The following CEBPZ variants were observed in gnomAD, a reference collection of about 807,000 sequenced individuals.
The protein encoded by CEBPZ is CCAAT enhancer binding protein zeta.
In CEBPZ, 78 loss-of-function variants were observed where a neutral mutation model predicts 104.5. The observed-to-expected ratio is 0.75, with a 90% CI of 0.62 to 0.90. The LOEUF (loss-of-function observed/expected upper bound fraction) is 0.90, where lower values mean the gene tolerates loss of function less well. Among genes scored for constraint, CEBPZ ranks in the 40% least tolerant of loss-of-function variants. The probability of loss-of-function intolerance (pLI) is 0.00; values close to 1 mark genes in which losing one functional copy is unlikely to be tolerated. For missense variants in CEBPZ, 1,439 were observed against 1,233.5 expected (o/e 1.17, Z -2.50); for synonymous variants, 470 against 427.0 (o/e 1.10, Z -1.24).
In CEBPZ at chr2:37,212,662, T is replaced by A. The variant is rs115136388; in HGVS notation, c.2546-270A>T. On this transcript the variant is annotated intron_variant, in intron 10 of 15. Coordinates refer to ENST00000234170, the MANE Select transcript of CEBPZ (RefSeq NM_005760.3). Reference sequence around the variant, plus strand: ...TTATGGAAAGAGGATAAATATCAAATAAAATGATATTTAGCAATTGTCGTC... The same window carrying A: ...TTATGGAAAGAGGATAAATATCAAAAAAAATGATATTTAGCAATTGTCGTC... 8.2e-3 allele frequency: 3,808 copies of A among 463,270 alleles called. 17 individuals are homozygous for A. Among genetic ancestry groups the A allele is most frequent in the Non-Finnish European group, 0.011 (2,835 of 261,862 alleles). The allele number at this position is 463,270 out of a possible 1,614,324, so 28.7% of individuals were successfully genotyped here.
At chr2:37,217,184 G>A (rs1479593470) in intron 5 of CEBPZ, 147 bp from the exon 6 acceptor site, 1 of 631,962 alleles carries the variant, frequency 1.6e-6, no homozygotes, top group Non-Finnish European at 2.8e-6. Flanking sequence ...GATTGCTTGA[G>A]CCCAGAAGTT....
At chr2:37,215,235 T>C (rs73927404) in intron 8 of CEBPZ, 2,582 of 251,278 alleles carry the variant, frequency 0.01, 57 homozygotes, top group African/African-American at 0.052. Context: ...TGTTCTTCAT[T>C]TGCATCCAGG....
chr2:37,226,716 C>T (rs1664894966), intron 2 of CEBPZ, among the ~76,000 whole-genome samples: 1 of 152,166 alleles, frequency 6.6e-6, no homozygotes, highest in Non-Finnish European at 1.5e-5. Flanking sequence ...CACTACTCCA[C>T]ATTTTCTCAC....
intron 8 of CEBPZ, chr2:37,215,596 C>G (rs1056503951): frequency 1.8e-4 from 28 of 152,404 alleles, no homozygotes; most frequent in African/African-American, 6.8e-4. Flanking sequence ...TAATTTAATC[C>G]TGGTCTCTGA....
chr2:37,221,039 G>C (rs945353755), intron 4 of CEBPZ, among the ~76,000 whole-genome samples: 1 of 152,082 alleles, frequency 6.6e-6, no homozygotes, highest in Non-Finnish European at 1.5e-5. Flanking sequence ...TTCTCCTTTG[G>C]CTGGGCACAA....
At chr2:37,215,628 G>T (rs903775381) in intron 8 of CEBPZ, 1 of 152,890 alleles carries the variant, frequency 6.5e-6, no homozygotes, top group African/African-American at 2.4e-5. Flanking sequence ...ATGAGATCTG[G>T]TATGCAAAGA....
intron 2 of CEBPZ, among the ~76,000 whole-genome samples, chr2:37,224,323 T>TATTA (rs1452943950): frequency 2.0e-5 from 3 of 152,240 alleles, no homozygotes; most frequent in Non-Finnish European, 4.4e-5. Flanking sequence ...GGTCTAGACC[T>TATTA]GCAGATATTA....
At chr2:37,216,112 G>A in intron 8 of CEBPZ, 28 bp downstream of exon 8, 1 of 1,522,202 alleles carries the variant, frequency 6.6e-7, no homozygotes, top group East Asian at 2.3e-5. Context: ...TGTCTTTTCA[G>A]TTTCAACTGT....
At chr2:37,204,103 C>T (rs1326414067) in intron 13 of CEBPZ, 1 of 152,090 alleles carries the variant, frequency 6.6e-6, no homozygotes, top group Non-Finnish European at 1.5e-5. Context: ...GTATAATACA[C>T]ATTTGCATGC....
chr2:37,209,443 G>C (rs918960456), intron 13 of CEBPZ: 1 of 152,098 alleles, frequency 6.6e-6, no homozygotes, highest in African/African-American at 2.4e-5. Context: ...TACAAAAACA[G>C]GCACGTAGAC....
chr2:37,203,053 G>A (rs1677357640), intron 13 of CEBPZ, 45 bp from the exon 14 acceptor site: 1 of 1,299,414 alleles, frequency 7.7e-7, no homozygotes, highest in Non-Finnish European at 1.1e-6. Flanking sequence ...TAAATCTAAT[G>A]ATTTTAGAAA....
In CEBPZ at chr2:37,220,539, G is replaced by A. The variant is rs1664747853; in HGVS notation, c.2066-66C>T. 5 of 760,580 alleles carry A rather than the reference G, an allele frequency of 6.6e-6. No individual in the cohort carries two copies. The South Asian group carries it at 7.5e-5, about 11-fold the overall frequency. 47.1% of individuals were successfully genotyped at this position (760,580 alleles called of 1,614,324 possible). On this transcript the variant is annotated intron_variant, in intron 4 of 15. Coordinates refer to ENST00000234170, the MANE Select transcript of CEBPZ (RefSeq NM_005760.3). ...TTCCTAGCCCAAGAGGTCATTAAAA[G>A]CACCACCATTAATATTCTCAACAGA...
In CEBPZ at chr2:37,224,772, G is replaced by A. The variant is rs530505657; in HGVS notation, c.1650-1371C>T. On this transcript the variant is annotated intron_variant, in intron 2 of 15. Coordinates refer to ENST00000234170, the MANE Select transcript of CEBPZ (RefSeq NM_005760.3). The stretch of plus-strand genomic sequence containing the variant: ...TCTTTTATCCCTCAATTAACTAGGG[G>A]TTTTCTTAATGTGAAGGATTCCTAA... Among the ~76,000 whole-genome samples, 14 of 152,210 alleles carry A rather than the reference G, an allele frequency of 9.2e-5. No homozygotes were observed. In the South Asian group the frequency reaches 1.7e-3, roughly 18 times the overall value.
chr2:37,219,119 G>A (rs190670202), intron 5 of CEBPZ, among the ~76,000 whole-genome samples: 1 of 152,266 alleles, frequency 6.6e-6, no homozygotes, highest in East Asian at 1.9e-4. Flanking sequence ...AATACTGCCA[G>A]CTTTTTTGTT....
chr2:37,209,649 C>T (rs1216576622), intron 13 of CEBPZ: 2 of 151,944 alleles, frequency 1.3e-5, no homozygotes, highest in South Asian at 2.1e-4. Flanking sequence ...CAAGATGGAT[C>T]GAAGACTTAA....
intron 2 of CEBPZ, among the ~76,000 whole-genome samples, chr2:37,224,364 T>A (rs1282688865): frequency 6.6e-6 from 1 of 152,200 alleles, no homozygotes; most frequent in Admixed American, 6.5e-5. Context: ...ATCCTCCAGA[T>A]TAGCTCTATT....
chr2:37,220,405 T>A lies in CEBPZ; in HGVS notation c.2134A>T (p.Ser712Cys), dbSNP rs769376900. 1 of 1,588,718 alleles carries A rather than the reference T, an allele frequency of 6.3e-7. No homozygotes were observed. Among genetic ancestry groups the A allele is most frequent in the East Asian group, 2.3e-5 (1 of 44,244 alleles). The part of the protein sequence containing the change: ...NPLFCGAENT[S>C]LWELKKLSVH... Reference sequence around the variant, plus strand: ...TTTACCTTTTTGAGTTCCCAAAGACTTGTATTTTCAGCTCCACAGAACAGA... The same window carrying A: ...TTTACCTTTTTGAGTTCCCAAAGACATGTATTTTCAGCTCCACAGAACAGA... Residue 712 changes from serine (S) to cysteine (C), a missense_variant, in exon 5 of 16, where the codon AGT becomes TGT. By Grantham distance (112) the Ser-to-Cys change is moderately radical. Transcript: ENST00000234170.
intron 2 of CEBPZ, 32 bp from the exon 3 acceptor site, chr2:37,223,433 G>GTA (rs768944597): frequency 6.4e-7 from 1 of 1,568,926 alleles, no homozygotes; most frequent in Admixed American, 1.7e-5. Flanking sequence ...AAATATTTAT[G>GTA]TATAAAACCA....
At position 37,213,975 on chromosome 2, in the gene CEBPZ, G is replaced by GAATA; in HGVS notation, c.2448-15_2448-14insTATT. On this transcript the variant is annotated splice_polypyrimidine_tract_variant and intron_variant, in intron 9 of 15. Transcript: ENST00000234170. Reference sequence around the variant, plus strand: ...TTTTTATAATACCTATAATATTCATGTTATATATTTGACAATTTTATTAAA... The same window carrying GAATA: ...TTTTTATAATACCTATAATATTCATGAATATTATATATTTGACAATTTTATTAAA... 1 of 1,372,978 alleles carries GAATA rather than the reference G, an allele frequency of 7.3e-7. No individual in the cohort carries two copies. The highest frequency in any genetic ancestry group is 9.8e-7 in the Non-Finnish European group (1 of 1,017,732). The allele number at this position is 1,372,978 out of a possible 1,614,324, so 85.0% of individuals were successfully genotyped here. A position where few individuals can be genotyped will look rare whatever the true frequency, so the allele number is the denominator to read the frequency against.
Sources: allele counts gnomAD v4.1 joint callset (sites outside exome capture counted in the v4.1 genomes callset), GRCh38; gene constraint gnomAD v4.1.1; transcripts MANE v1.5; gene names NCBI Gene and HGNC (gene_info 2026-07-23, HGNC 2026-07-21).